The following HPS3 variants were observed in gnomAD, a reference collection of about 807,000 sequenced individuals.
HPS3 encodes the protein HPS3 biogenesis of lysosomal organelles complex 2 subunit 1, also known as BLOC-2 complex member HPS3.
HPS3 carries 79 observed loss-of-function variants against 110.9 expected under a neutral mutation model. The ratio of observed to expected loss-of-function variants is 0.71; its 90% CI spans 0.59 to 0.86. The LOEUF (loss-of-function observed/expected upper bound fraction) is 0.86, where lower values mean the gene tolerates loss of function less well. HPS3 is among the 40% of genes least tolerant of loss of function. The pLI, the probability that HPS3 is intolerant of heterozygous loss-of-function variation, is 0.00. For missense variants in HPS3, 1,197 were observed against 1,206.2 expected (o/e 0.99, Z 0.11); for synonymous variants, 428 against 451.0 (o/e 0.95, Z 0.65).
chr3:149,132,755 A>C (rs1365795850), intron 1 of HPS3, among the ~76,000 whole-genome samples: 1 of 152,244 alleles, frequency 6.6e-6, no homozygotes, highest in Non-Finnish European at 1.5e-5. Flanking sequence ...AAATAAATTG[A>C]AAATCATCTG....
rs1725103740 is a variant in HPS3 at position 149,172,498 on chromosome 3, AT to A, written c.*282del. The A allele has an allele frequency of 6.4e-6, 2 of 311,110 alleles. No individual in the cohort carries two copies. The highest frequency in any genetic ancestry group is 1.2e-5 in the Non-Finnish European group (2 of 161,892). 19.3% of individuals were successfully genotyped at this position (311,110 alleles called of 1,614,324 possible). A position where few individuals can be genotyped will look rare whatever the true frequency, so the allele number is the denominator to read the frequency against. ...TAAGAATTCCTCAAAGAAGCCATAC[AT>A]TTTTTAAGGTGGGGATTGACTTTTA... On this transcript the variant is annotated 3_prime_UTR_variant, in exon 17 of 17. Coordinates refer to ENST00000296051, the MANE Select transcript of HPS3 (RefSeq NM_032383.5).
chr3:149,145,622 G>A (rs1722744802), intron 5 of HPS3, 76 bp downstream of exon 5: 1 of 1,114,966 alleles, frequency 9.0e-7, no homozygotes, highest in Non-Finnish European at 1.4e-6. Flanking sequence ...AAATCTGTGA[G>A]AATTGTGTGA....
intron 1 of HPS3, among the ~76,000 whole-genome samples, chr3:149,136,166 G>GTA (rs1366537302): frequency 4.7e-5 from 7 of 149,666 alleles, no homozygotes; most frequent in South Asian, 2.1e-4. Flanking sequence ...ATGTGTGTGT[G>GTA]TATATATATA....
At chr3:149,134,929 C>G (rs1029405993) in intron 1 of HPS3, among the ~76,000 whole-genome samples, 1 of 152,182 alleles carries the variant, frequency 6.6e-6, no homozygotes, top group Non-Finnish European at 1.5e-5. Flanking sequence ...AGAGCTGACT[C>G]TGGCTATGAT....
Position 149,140,099 on chromosome 3 carries a change from T to C in HPS3, c.313T>C (p.Cys105Arg), listed in dbSNP as rs139678546. Reference sequence around the variant, plus strand: ...TAAAAGGACTGAAAACTCTCGTGTGTGTATCCGAATGATTGGGCATAATGT... The same window carrying C: ...TAAAAGGACTGAAAACTCTCGTGTGCGTATCCGAATGATTGGGCATAATGT... Reference protein sequence around the residue: ...RNKRTENSRVCIRMIGHNVEG... With the variant: ...RNKRTENSRVRIRMIGHNVEG... The change falls in exon 2 of 17, where the codon TGT becomes CGT. Residue 105 changes from cysteine (C) to arginine (R), a missense_variant. Cys to Arg is a radical substitution (Grantham distance 180). Coordinates refer to ENST00000296051, the MANE Select transcript of HPS3 (RefSeq NM_032383.5). 2 of 1,613,182 alleles carry C rather than the reference T, an allele frequency of 1.2e-6. No individual in the cohort carries two copies. Among genetic ancestry groups the C allele is most frequent in the African/African-American group, 2.7e-5 (2 of 74,854 alleles).
In HPS3 at chr3:149,152,470, G is replaced by A. The variant is rs192323036; in HGVS notation, c.1246-1024G>A. ...TCTGGTGGAGGTATGCTGCCCTTGA[G>A]GCCAGTGGAGGTAGGAGGGGGAAGG... is the stretch of plus-strand genomic sequence containing the variant. On this transcript the variant is annotated intron_variant, in intron 6 of 16. Coordinates refer to ENST00000296051, the MANE Select transcript of HPS3 (RefSeq NM_032383.5). Among the ~76,000 whole-genome samples the A allele has an allele frequency of 4.2e-3, 647 of 152,290 alleles. 13 individuals are homozygous for A. The highest frequency in any genetic ancestry group is 0.021 in the East Asian group (109 of 5,180).
chr3:149,158,602 A>T, intron 9 of HPS3, 64 bp from the exon 10 acceptor site: 1 of 1,435,976 alleles, frequency 7.0e-7, no homozygotes, highest in South Asian at 1.1e-5. Context: ...AGTCTGGGCA[A>T]CATAGTGAGA....
At chr3:149,152,552 A>C (rs1723197903) in intron 6 of HPS3, among the ~76,000 whole-genome samples, 2 of 152,164 alleles carry the variant, frequency 1.3e-5, no homozygotes, top group South Asian at 4.2e-4. Flanking sequence ...CTGAAGCCCT[A>C]GGTGCCAGTT....
At chr3:149,162,075 T>C (rs778521828) in intron 11 of HPS3, 73 bp from the exon 12 acceptor site, 27 of 1,199,808 alleles carry the variant, frequency 2.3e-5, no homozygotes, top group Non-Finnish European at 3.2e-5. Context: ...TGCACTAGCA[T>C]GTTTAGTATT....
At chr3:149,144,030 A>G (rs968095061) in intron 4 of HPS3, among the ~76,000 whole-genome samples, 4 of 152,134 alleles carry the variant, frequency 2.6e-5, no homozygotes, top group Non-Finnish European at 4.4e-5. Flanking sequence ...ATATTTCAAC[A>G]TATGTCTCTA....
At chr3:149,152,478 G>A (rs184865302) in intron 6 of HPS3, among the ~76,000 whole-genome samples, 8 of 152,320 alleles carry the variant, frequency 5.3e-5, no homozygotes, top group Admixed American at 5.2e-4. Context: ...GAGGCCAGTG[G>A]AGGTAGGAGG....
At chr3:149,166,981 G>A (rs1041130008) in intron 14 of HPS3, 53 bp from the exon 15 acceptor site, 2 of 1,351,936 alleles carry the variant, frequency 1.5e-6, no homozygotes, top group Non-Finnish European at 1.1e-6. Flanking sequence ...TGCATGTTGT[G>A]TTTTAGTTTT....
At chr3:149,132,093 G>A (rs2108116167) in intron 1 of HPS3, among the ~76,000 whole-genome samples, 1 of 152,326 alleles carries the variant, frequency 6.6e-6, no homozygotes, top group South Asian at 2.1e-4. Context: ...TAATATAAAA[G>A]TGCAAGGTGA....
intron 14 of HPS3, among the ~76,000 whole-genome samples, chr3:149,164,269 G>A (rs1476333616): frequency 1.3e-5 from 2 of 152,114 alleles, no homozygotes; most frequent in East Asian, 3.9e-4. Flanking sequence ...AATGTTTAGT[G>A]GTGTTTTTAT....
intron 6 of HPS3, among the ~76,000 whole-genome samples, chr3:149,152,443 C>T (rs1363650699): frequency 1.3e-5 from 2 of 152,086 alleles, no homozygotes; most frequent in African/African-American, 4.8e-5. Flanking sequence ...GAGAGGTGGG[C>T]ATCTGGTGGA....
rs575233683 is a variant in HPS3 at position 149,145,339 on chromosome 3, C to G, written c.971-15C>G. On this transcript the variant is annotated splice_polypyrimidine_tract_variant and intron_variant, in intron 4 of 16. Transcript: ENST00000296051. ...TGGTTTCATGGTGTTTTATTTCTTT[C>G]ATTTTTGCATGCAGGTTCTCTTACA... The G allele has an allele frequency of 1.2e-5, 19 of 1,589,198 alleles. No individual in the cohort carries two copies. Among genetic ancestry groups the G allele is most frequent in the African/African-American group, 1.1e-4 (8 of 74,218 alleles).
intron 7 of HPS3, 119 bp downstream of exon 7, chr3:149,153,767 G>C: frequency 9.8e-7 from 1 of 1,022,046 alleles, no homozygotes; most frequent in Non-Finnish European, 1.5e-6. Context: ...CTTTTTTATG[G>C]TGGTCTTTTT....
In HPS3 at chr3:149,157,487, A is replaced by C. The variant is rs1239236325; in HGVS notation, c.1647A>C (p.Glu549Asp). Residue 549 changes from glutamate to aspartate, a missense_variant, in exon 9 of 17, where the codon GAA (glutamate) becomes GAC (aspartate). By Grantham distance (45) the Glu-to-Asp change is conservative. Coordinates refer to ENST00000296051, the MANE Select transcript of HPS3 (RefSeq NM_032383.5). The stretch of plus-strand genomic sequence containing the variant: ...CTGGAGAGAAGGCAGAGCTTTTGGA[A>C]GCATTTAAGGAAAGCTGTGGGCACC... ...LEPGEKAELL[E>D]AFKESCGHLG... The C allele has an allele frequency of 1.2e-6, 2 of 1,613,918 alleles. No homozygotes were observed. The highest frequency in any genetic ancestry group is 2.2e-5 in the South Asian group (2 of 91,080).
chr3:149,167,968 C>A lies in HPS3; in HGVS notation c.2872C>A (p.Leu958Met). ...KCGGEKYQLY[L>M]SSLKETLSIV... ...TGGTGGAGAGAAGTATCAACTCTAC[C>A]TGTCATCATTAAAAGGTAAAATGAT... Residue 958 changes from leucine (L) to methionine (M), a missense_variant, in exon 16 of 17, where the codon CTG becomes ATG. Coordinates refer to ENST00000296051, the MANE Select transcript of HPS3 (RefSeq NM_032383.5). The A allele has an allele frequency of 6.4e-7, 1 of 1,573,990 alleles. No homozygotes were observed.
Sources: allele counts gnomAD v4.1 joint callset (sites outside exome capture counted in the v4.1 genomes callset), GRCh38; gene constraint gnomAD v4.1.1; transcripts MANE v1.5; gene names NCBI Gene and HGNC (gene_info 2026-07-23, HGNC 2026-07-21).